The following MGAT4A variants were observed in gnomAD, a reference collection of about 807,000 sequenced individuals.
The protein encoded by MGAT4A is alpha-1,3-mannosyl-glycoprotein 4-beta-N-acetylglucosaminyltransferase A.
Under a neutral mutation model 74.1 loss-of-function variants are expected in MGAT4A, and 33 were observed. The ratio of observed to expected loss-of-function variants is 0.45; its 90% confidence interval spans 0.34 to 0.60. The LOEUF (loss-of-function observed/expected upper bound fraction) is 0.60. Ranked by LOEUF, MGAT4A falls within the 20% of genes least tolerant of loss-of-function variation. The pLI is 0.02. For synonymous variants in MGAT4A, 198 were observed against 210.4 expected (o/e 0.94, Z 0.51); for missense variants, 479 against 628.3 (o/e 0.76, Z 2.54).
intron 2 of MGAT4A, among the ~76,000 whole-genome samples, chr2:98,721,035 G>A (rs1702662400): frequency 6.6e-6 from 1 of 152,164 alleles, no homozygotes; most frequent in Admixed American, 6.5e-5. Flanking sequence ...AATCTTGAAA[G>A]CTGCAAGAGA....
chr2:98,643,767 T>A (rs1004125324), intron 10 of MGAT4A, among the ~76,000 whole-genome samples, 156 bp downstream of exon 10: 1 of 152,256 alleles, frequency 6.6e-6, no homozygotes, highest in Non-Finnish European at 1.5e-5. Flanking sequence ...TCCACTGCTA[T>A]CTAAAAGTTC....
intron 4 of MGAT4A, among the ~76,000 whole-genome samples, chr2:98,671,943 C>CAAAAAAAAAA (rs59955000): frequency 3.5e-5 from 1 of 28,638 alleles, no homozygotes; most frequent in Non-Finnish European, 6.4e-5. Flanking sequence ...GTGGAAAAGG[C>CAAAAAAAAAA]AAAAAAAAAA....
intron 8 of MGAT4A, among the ~76,000 whole-genome samples, chr2:98,651,370 A>T (rs560801294): frequency 6.6e-6 from 1 of 152,314 alleles, no homozygotes; most frequent in East Asian, 1.9e-4. Context: ...CACAAACAAT[A>T]ATTATAAATC....
intron 14 of MGAT4A, among the ~76,000 whole-genome samples, chr2:98,631,896 G>C (rs1280001845): frequency 2.6e-5 from 4 of 151,610 alleles, no homozygotes; most frequent in African/African-American, 9.7e-5. Context: ...GAGGCCAGTG[G>C]ATCACGAGGT....
chr2:98,646,467 G>GC (rs1701487192), intron 8 of MGAT4A, among the ~76,000 whole-genome samples: 1 of 152,060 alleles, frequency 6.6e-6, no homozygotes, highest in Non-Finnish European at 1.5e-5. Flanking sequence ...ACTTCGGGGG[G>GC]CCCAAGCAGG....
chr2:98,702,571 GA>G (rs1261290942), intron 2 of MGAT4A, among the ~76,000 whole-genome samples: 3 of 152,208 alleles, frequency 2.0e-5, no homozygotes, highest in African/African-American at 7.2e-5. Flanking sequence ...CACACACACA[GA>G]GGAGCTGTAA....
chr2:98,721,981 C>T (rs183443800), intron 2 of MGAT4A, among the ~76,000 whole-genome samples: 1 of 152,184 alleles, frequency 6.6e-6, no homozygotes, highest in East Asian at 1.9e-4. Context: ...AAAGCATGAT[C>T]CAATTATATG....
intron 13 of MGAT4A, among the ~76,000 whole-genome samples, chr2:98,635,572 T>C (rs560207099): frequency 1.3e-5 from 2 of 152,312 alleles, no homozygotes; most frequent in African/African-American, 2.4e-5. Context: ...AAGAACTGTG[T>C]AGTTAACTTG....
At chr2:98,701,563 TAAG>T (rs1384436145) in intron 2 of MGAT4A, among the ~76,000 whole-genome samples, 16 of 152,348 alleles carry the variant, frequency 1.1e-4, no homozygotes, top group African/African-American at 3.8e-4. Flanking sequence ...ATGTACTGCT[TAAG>T]AAGCTTTCCA....
chr2:98,625,918 A>T (rs1358826955), intron 14 of MGAT4A, 83 bp from the exon 15 acceptor site: 57 of 904,686 alleles, frequency 6.3e-5, no homozygotes, highest in Non-Finnish European at 9.4e-5. Flanking sequence ...GGAAAGGAAT[A>T]CACCAAAATA....
chr2:98,645,192 C>T (rs1044175756), intron 9 of MGAT4A, among the ~76,000 whole-genome samples: 9 of 152,166 alleles, frequency 5.9e-5, no homozygotes, highest in African/African-American at 7.2e-5. Flanking sequence ...ACCAGCACCA[C>T]GGTTGGCATT....
intron 2 of MGAT4A, among the ~76,000 whole-genome samples, chr2:98,690,106 A>C (rs1702174985): frequency 6.6e-6 from 1 of 151,818 alleles, no homozygotes; most frequent in Admixed American, 6.6e-5. Flanking sequence ...TCACCACTCT[A>C]CTCCAGCCAT....
In MGAT4A at chr2:98,657,484, A is replaced by G. The variant is rs924743447; in HGVS notation, c.584+734T>C. On this transcript the variant is annotated intron_variant, in intron 6 of 15. Transcript: ENST00000393487. ...TCAGCACTTCAGGAAAACCAAACAAATAACAATTTAATCCTGAACTATAAT... is the reference window on the plus strand; with the variant it reads ...TCAGCACTTCAGGAAAACCAAACAAGTAACAATTTAATCCTGAACTATAAT... Among the ~76,000 whole-genome samples, 4 of 152,236 alleles carry G rather than the reference A, an allele frequency of 2.6e-5. 1 individual carries two copies. The highest frequency in any genetic ancestry group is 4.1e-4 in the South Asian group (2 of 4,830).
At position 98,623,762 on chromosome 2, in the gene MGAT4A, G is replaced by A. The variant is rs1701097867; in HGVS notation, c.*1804C>T. On this transcript the variant is annotated 3_prime_UTR_variant, in exon 16 of 16. Coordinates refer to ENST00000393487, the MANE Select transcript of MGAT4A (RefSeq NM_012214.3). ...TTGTACTGTATCAGTGTTTCCAAACGTTTGCACTTTGTAACACAGCACAGG... is the reference window on the plus strand; with the variant it reads ...TTGTACTGTATCAGTGTTTCCAAACATTTGCACTTTGTAACACAGCACAGG... 5 of 985,266 alleles carry A rather than the reference G, an allele frequency of 5.1e-6. No homozygotes were observed. The highest frequency in any genetic ancestry group is 4.7e-5 in the South Asian group (1 of 21,282). 61.0% of individuals were successfully genotyped at this position (985,266 alleles called of 1,614,324 possible). A position where few individuals can be genotyped will look rare whatever the true frequency, so the allele number is the denominator to read the frequency against.
At chr2:98,649,614 T>C (rs951820199) in intron 8 of MGAT4A, among the ~76,000 whole-genome samples, 1 of 152,116 alleles carries the variant, frequency 6.6e-6, no homozygotes, top group African/African-American at 2.4e-5. Context: ...AGAAACTAGG[T>C]GGAGCTCCAG....
At chr2:98,717,999 T>C (rs939693433) in intron 2 of MGAT4A, among the ~76,000 whole-genome samples, 2 of 152,290 alleles carry the variant, frequency 1.3e-5, no homozygotes, top group African/African-American at 4.8e-5. Context: ...AAAACTTTTA[T>C]TCACTGTTTA....
rs1013803119 is a variant in MGAT4A, at chr2:98,622,300, C to T, written c.*3266G>A. ...TGCAGTGATGGAAAAGTTCTGCATC[C>T]GTGGTGTCAAGTGTGGTGGCCACTA... On this transcript the variant is annotated 3_prime_UTR_variant, in exon 16 of 16. Transcript: ENST00000393487. The T allele has an allele frequency of 1.3e-5, 13 of 985,270 alleles. No individual in the cohort carries two copies. Among genetic ancestry groups the T allele is most frequent in the African/African-American group, 3.5e-5 (2 of 57,202 alleles). 61.0% of individuals were successfully genotyped at this position (985,270 alleles called of 1,614,324 possible).
chr2:98,690,363 G>C (rs1702178942), intron 2 of MGAT4A, among the ~76,000 whole-genome samples: 1 of 152,154 alleles, frequency 6.6e-6, no homozygotes, highest in African/African-American at 2.4e-5. Flanking sequence ...CTCTTAGCAA[G>C]TGTGGCATCA....
chr2:98,687,590 TTC>T (rs911163112), intron 2 of MGAT4A, among the ~76,000 whole-genome samples: 3 of 152,172 alleles, frequency 2.0e-5, no homozygotes, highest in Admixed American at 6.6e-5. Flanking sequence ...TTTCAAATTC[TTC>T]TGTGTTTCTT....
Sources: allele counts gnomAD v4.1 joint callset (sites outside exome capture counted in the v4.1 genomes callset), GRCh38; gene constraint gnomAD v4.1.1; transcripts MANE v1.5; gene names NCBI Gene and HGNC (gene_info 2026-07-23, HGNC 2026-07-21).